Variants in SAMD3 observed in about 807,000 individuals in gnomAD.
SAMD3 encodes the protein sterile alpha motif domain-containing protein 3.
In SAMD3, 63 loss-of-function variants were observed where a neutral mutation model predicts 58.5. That is an observed-to-expected ratio of 1.08 (90% CI 0.88 to 1.33). The LOEUF (loss-of-function observed/expected upper bound fraction) is 1.33. Ranked by LOEUF, SAMD3 falls within the 40% of genes most tolerant of loss-of-function variation. SAMD3 has a pLI of 0.00. For missense variants in SAMD3, 604 were observed against 608.4 expected, an observed-to-expected ratio of 0.99 and a Z score of 0.08; for synonymous variants, 220 against 210.3, an observed-to-expected ratio of 1.05 and a Z score of -0.40.
chr6:130,246,584 T>C (rs1773554420), intron 2 of SAMD3, among the ~76,000 whole-genome samples: 1 of 151,984 alleles, frequency 6.6e-6, no homozygotes, highest in Non-Finnish European at 1.5e-5. Context: ...GGTATTTTAG[T>C]TGTGGGAAAG....
At chr6:130,174,161 C>T (rs988372566) in intron 8 of SAMD3, among the ~76,000 whole-genome samples, 1 of 152,188 alleles carries the variant, frequency 6.6e-6, no homozygotes, top group Non-Finnish European at 1.5e-5. Flanking sequence ...TCCCTGGCTT[C>T]AGCCTCTTTT....
At chr6:130,307,882 C>T (rs527703990) in intron 2 of SAMD3, among the ~76,000 whole-genome samples, 12 of 152,246 alleles carry the variant, frequency 7.9e-5, no homozygotes, top group African/African-American at 2.6e-4. Flanking sequence ...TTGTAAAAAA[C>T]CAGTTTGTGT....
Position 130,165,816 on chromosome 6 carries a change from T to A in SAMD3, c.822+10025A>T, listed in dbSNP as rs1206514892. The stretch of plus-strand genomic sequence containing the variant: ...AAGCATTTCGGTAAGTATGTTTACA[T>A]CCTGATGCTTCAAATGGGGCATTTG... On this transcript the variant is annotated intron_variant, in intron 8 of 11. Transcript: ENST00000439090. Among the ~76,000 whole-genome samples, 3 of 152,184 alleles carry A rather than the reference T, an allele frequency of 2.0e-5. No individual in the cohort carries two copies. In the East Asian group the frequency reaches 5.8e-4, roughly 29 times the overall value.
chr6:130,233,835 A>G (rs1796612219), intron 2 of SAMD3, among the ~76,000 whole-genome samples: 1 of 152,234 alleles, frequency 6.6e-6, no homozygotes, highest in African/African-American at 2.4e-5. Context: ...TTTTGCAATT[A>G]AGATGAAATT....
chr6:130,357,669 A>C (rs571640419), intron 1 of SAMD3, among the ~76,000 whole-genome samples: 1 of 152,344 alleles, frequency 6.6e-6, no homozygotes, highest in African/African-American at 2.4e-5. Context: ...TGGCAAGTTA[A>C]ACTCTCGGAG....
intron 2 of SAMD3, among the ~76,000 whole-genome samples, chr6:130,306,187 A>C (rs1163706439): frequency 1.3e-5 from 2 of 152,226 alleles, no homozygotes; most frequent in Non-Finnish European, 2.9e-5. Context: ...ATTTTTACTT[A>C]AAAAATATTT....
upstream of SAMD3, chr6:130,365,426 C>A: frequency 1.0e-6 from 1 of 985,474 alleles, no homozygotes; most frequent in Non-Finnish European, 1.2e-6. Flanking sequence ...CGCGTCTTTT[C>A]CGGCCAGGTT....
rs1253778019 is a variant in SAMD3 at position 130,236,676 on chromosome 6, C to T, written c.-187-13863G>A. On this transcript the variant is annotated intron_variant, in intron 2 of 13. Transcript: ENST00000368134. Reference sequence around the variant, plus strand: ...GGATTACAGGCGTGAGCCACTGCACCAGGCCATGATTGACTTTTTATATTA... The same window carrying T: ...GGATTACAGGCGTGAGCCACTGCACTAGGCCATGATTGACTTTTTATATTA... Among the ~76,000 whole-genome samples, 3 of 152,318 alleles carry T rather than the reference C, an allele frequency of 2.0e-5. No homozygotes were observed. In the East Asian group the frequency reaches 5.8e-4, roughly 29 times the overall value.
chr6:130,228,113 C>T (rs994899720), intron 2 of SAMD3, among the ~76,000 whole-genome samples: 1 of 152,162 alleles, frequency 6.6e-6, no homozygotes, highest in Non-Finnish European at 1.5e-5. Context: ...TTGTGTGTTT[C>T]CATCCTTGTA....
chr6:130,264,127 C>A (rs1004094385), intron 2 of SAMD3, among the ~76,000 whole-genome samples: 1 of 152,198 alleles, frequency 6.6e-6, no homozygotes, highest in African/African-American at 2.4e-5. Context: ...GCCAGAGGCC[C>A]AGATTGTCCC....
At chr6:130,313,620 A>G (rs1237490234) in intron 1 of SAMD3, among the ~76,000 whole-genome samples, 1 of 152,116 alleles carries the variant, frequency 6.6e-6, no homozygotes, top group African/African-American at 2.4e-5. Flanking sequence ...ATGCCACCCC[A>G]CTGTCCATTT....
chr6:130,297,789 G>A (rs1775618129), intron 2 of SAMD3, among the ~76,000 whole-genome samples: 2 of 152,160 alleles, frequency 1.3e-5, no homozygotes, highest in Admixed American at 1.3e-4. Context: ...GCATTTCAGA[G>A]CTTGAACGCT....
intron 1 of SAMD3, among the ~76,000 whole-genome samples, chr6:130,326,161 C>T (rs1776752019): frequency 6.6e-6 from 1 of 152,182 alleles, no homozygotes; most frequent in African/African-American, 2.4e-5. Flanking sequence ...CTTATCTGGA[C>T]TACTGCAGTA....
intron 2 of SAMD3, among the ~76,000 whole-genome samples, chr6:130,292,263 C>CTTTTTTTTTTT: frequency 7.9e-6 from 1 of 125,822 alleles, no homozygotes; most frequent in African/African-American, 3.1e-5. Context: ...CTTTTTTTTT[C>CTTTTTTTTTTT]TTTCTTTCTT....
At chr6:130,270,184 C>G (rs1774509743) in intron 2 of SAMD3, among the ~76,000 whole-genome samples, 1 of 152,130 alleles carries the variant, frequency 6.6e-6, no homozygotes, top group Admixed American at 6.5e-5. Context: ...TTCTGCCTCC[C>G]AGGTTCATGT....
chr6:130,162,184 C>T (rs1490611176), intron 8 of SAMD3: 2 of 692,598 alleles, frequency 2.9e-6, no homozygotes, highest in Non-Finnish European at 5.3e-6. Flanking sequence ...AGTGTGGTCT[C>T]TCTACTCCAA....
intron 2 of SAMD3, among the ~76,000 whole-genome samples, chr6:130,256,525 G>A (rs550267397): frequency 6.6e-6 from 1 of 152,238 alleles, no homozygotes; most frequent in Admixed American, 6.5e-5. Flanking sequence ...CTTCTTGGAA[G>A]CAATTTTTTT....
chr6:130,303,960 A>C (rs1278165701), intron 2 of SAMD3, among the ~76,000 whole-genome samples: 1 of 152,054 alleles, frequency 6.6e-6, no homozygotes, highest in Non-Finnish European at 1.5e-5. Context: ...CGAATTTATA[A>C]ATATTTTCCT....
chr6:130,310,982 A>C (rs1432545391), intron 2 of SAMD3, among the ~76,000 whole-genome samples: 1 of 152,132 alleles, frequency 6.6e-6, no homozygotes, highest in African/African-American at 2.4e-5. Flanking sequence ...TATCAGCACC[A>C]GCCCAATGCG....
Sources: gnomAD v4.1 joint callset for allele counts (sites outside exome capture counted in the v4.1 genomes callset) on GRCh38, gnomAD v4.1.1 for gene constraint, MANE v1.5 for transcripts, NCBI Gene and HGNC (gene_info 2026-07-23, HGNC 2026-07-21) for gene names.